Variants in MBNL1 observed in about 807,000 individuals in gnomAD.
The protein encoded by MBNL1 is muscleblind like splicing regulator 1, also known as muscleblind-like protein 1.
A neutral mutation model predicts 42.2 loss-of-function variants in MBNL1; 8 were observed. That is an observed-to-expected ratio of 0.19 (90% CI 0.11 to 0.34). The LOEUF is 0.34. MBNL1 is among the 10% of genes least tolerant of loss of function. MBNL1 has a pLI of 1.00. For missense variants in MBNL1, 309 were observed against 495.3 expected, an observed-to-expected ratio of 0.62 and a Z score of 3.57; for synonymous variants, 169 against 173.9, an observed-to-expected ratio of 0.97 and a Z score of 0.22.
intron 2 of MBNL1, among the ~76,000 whole-genome samples, chr3:152,347,240 C>T (rs1156397674): frequency 6.6e-6 from 1 of 151,794 alleles, no homozygotes; most frequent in Non-Finnish European, 1.5e-5. Context: ...AATTTCAACT[C>T]AGAGGAAAGT....
chr3:152,352,642 C>A (rs2095144230), intron 2 of MBNL1, among the ~76,000 whole-genome samples: 1 of 151,808 alleles, frequency 6.6e-6, no homozygotes, highest in African/African-American at 2.4e-5. Flanking sequence ...TCCTTTTAGA[C>A]TCAATACCGG....
Position 152,465,257 on chromosome 3 carries a change from T to C in MBNL1, c.*2891T>C, listed in dbSNP as rs1749924861. On this transcript the variant is annotated 3_prime_UTR_variant, in exon 10 of 10. Coordinates refer to ENST00000324210, the MANE Select transcript of MBNL1 (RefSeq NM_021038.5). ...AACATATATTATTCAGATCAGTTTC[T>C]GCCAATTTCAGTGGTTTATTGTTCA... The C allele has an allele frequency of 6.6e-6, 1 of 152,262 alleles. No homozygotes were observed. Among genetic ancestry groups the C allele is most frequent in the Admixed American group, 6.5e-5 (1 of 15,282 alleles). The allele number at this position is 152,262 out of a possible 1,614,324, so 9.4% of individuals were successfully genotyped here. A position where few individuals can be genotyped will look rare whatever the true frequency, so the allele number is the denominator to read the frequency against.
At chr3:152,443,482 G>GCACACACACACACACACA (rs1345409667) in intron 4 of MBNL1, among the ~76,000 whole-genome samples, 17 of 28,262 alleles carry the variant, frequency 6.0e-4, no homozygotes, top group African/African-American at 3.0e-3. Flanking sequence ...TATATATTTA[G>GCACACACACACACACACA]CATACACACA....
At chr3:152,346,620 TGTG>T (rs1376887418) in intron 2 of MBNL1, among the ~76,000 whole-genome samples, 3 of 152,064 alleles carry the variant, frequency 2.0e-5, no homozygotes, top group Admixed American at 1.3e-4. Flanking sequence ...GTTAGAAAAA[TGTG>T]GTCCTACAGT....
intron 3 of MBNL1, among the ~76,000 whole-genome samples, chr3:152,430,796 A>G (rs1374145642): frequency 6.6e-6 from 1 of 152,172 alleles, no homozygotes; most frequent in South Asian, 2.1e-4. Flanking sequence ...TTTGGAATGC[A>G]CAGATAGTTC....
chr3:152,431,064 G>A (rs1445719315), intron 3 of MBNL1, among the ~76,000 whole-genome samples: 1 of 152,138 alleles, frequency 6.6e-6, no homozygotes, highest in Admixed American at 6.5e-5. Context: ...ATAGCTAAAT[G>A]CAAAGAGTTT....
chr3:152,287,544 C>T (rs901445611), intron 1 of MBNL1, among the ~76,000 whole-genome samples: 13 of 152,078 alleles, frequency 8.5e-5, no homozygotes, highest in African/African-American at 2.4e-4. Flanking sequence ...CCTGGGAAAA[C>T]ATAGATTCCT....
At chr3:152,319,154 C>T (rs537578179) in intron 2 of MBNL1, among the ~76,000 whole-genome samples, 8 of 152,212 alleles carry the variant, frequency 5.3e-5, no homozygotes, top group African/African-American at 9.6e-5. Flanking sequence ...TTTAGCTTCA[C>T]GGAAAACCTT....
At chr3:152,322,300 C>G (rs1464864139) in intron 2 of MBNL1, among the ~76,000 whole-genome samples, 6 of 151,970 alleles carry the variant, frequency 3.9e-5, no homozygotes, top group Non-Finnish European at 8.8e-5. Flanking sequence ...TGGTACATCA[C>G]CAGCGTTCAT....
intron 3 of MBNL1, among the ~76,000 whole-genome samples, chr3:152,416,260 T>C (rs1252146806): frequency 6.6e-6 from 1 of 152,206 alleles, no homozygotes; most frequent in African/African-American, 2.4e-5. Flanking sequence ...CAGTTATCAG[T>C]TCTATACAGT....
chr3:152,409,699 G>A (rs929168306), intron 2 of MBNL1, among the ~76,000 whole-genome samples: 3 of 152,144 alleles, frequency 2.0e-5, no homozygotes, highest in Non-Finnish European at 4.4e-5. Flanking sequence ...ATATAAGCTA[G>A]TAGCCCTGTA....
chr3:152,265,515 A>G (rs144569278), upstream of MBNL1: 1 of 152,194 alleles, frequency 6.6e-6, no homozygotes, highest in East Asian at 1.9e-4. Flanking sequence ...TCACACAGGC[A>G]CTCACACACT....
In MBNL1 at chr3:152,415,099, A is replaced by C. The variant is rs200837508; in HGVS notation, c.333A>C (p.Pro111=). The C allele has an allele frequency of 3.2e-6, 5 of 1,586,076 alleles. No individual in the cohort carries two copies. The highest frequency in any genetic ancestry group is 1.2e-5 in the South Asian group (1 of 86,636). The stretch of plus-strand genomic sequence containing the variant: ...CCAATGCCATGATGCCTGGTGCCCC[A>C]TTACAACCCGTGGTAAGCATGTTTT... ...QLANAMMPGA[P]LQPVPMFSVA... is the part of the protein sequence containing the mutation. Residue 111 remains proline (P), a synonymous_variant, in exon 3 of 10, where the codon CCA becomes CCC. Transcript: ENST00000324210.
chr3:152,338,208 C>T (rs2091783451), intron 2 of MBNL1: 1 of 985,244 alleles, frequency 1.0e-6, no homozygotes, highest in African/African-American at 1.7e-5. Flanking sequence ...TTGCATTTCT[C>T]CATTGCTTCT....
intron 2 of MBNL1, among the ~76,000 whole-genome samples, chr3:152,393,784 G>A (rs949203075): frequency 6.6e-6 from 1 of 152,104 alleles, no homozygotes; most frequent in Non-Finnish European, 1.5e-5. Context: ...GTGGATATAT[G>A]TTCCCCTTTC....
At chr3:152,372,680 C>T (rs372194081) in intron 2 of MBNL1, among the ~76,000 whole-genome samples, 34 of 152,284 alleles carry the variant, frequency 2.2e-4, no homozygotes, top group African/African-American at 7.7e-4. Flanking sequence ...AGTTTCGTCC[C>T]AGAGGGGCAC....
intron 1 of MBNL1, among the ~76,000 whole-genome samples, chr3:152,274,711 CATTT>C (rs1460996507): frequency 3.3e-5 from 5 of 151,930 alleles, no homozygotes; most frequent in South Asian, 2.1e-4. Flanking sequence ...TGTTTTAATT[CATTT>C]ATTTATTTCT....
upstream of MBNL1, chr3:152,267,952 T>G (rs2037721593): frequency 6.6e-6 from 1 of 152,210 alleles, no homozygotes; most frequent in Non-Finnish European, 1.5e-5. Context: ...CCGAATTCCT[T>G]ACATTCAAAG....
chr3:152,280,076 C>G (rs2047534117), intron 1 of MBNL1, among the ~76,000 whole-genome samples: 1 of 152,102 alleles, frequency 6.6e-6, no homozygotes, highest in East Asian at 1.9e-4. Context: ...TTGCTTTTGG[C>G]TGCAAAAGAA....
Sources: gnomAD v4.1 joint callset for allele counts (sites outside exome capture counted in the v4.1 genomes callset) on GRCh38, gnomAD v4.1.1 for gene constraint, MANE v1.5 for transcripts, NCBI Gene and HGNC (gene_info 2026-07-23, HGNC 2026-07-21) for gene names.